QTMAN: variants seen among roughly 807,000 people sequenced by gnomAD.
The protein encoded by QTMAN is queuosine-tRNA mannosyltransferase, also known as tRNA-queuosine alpha-mannosyltransferase.
the QTMAN span, chr2:144,006,283 G>A: frequency 6.6e-6 from 1 of 152,074 alleles, no homozygotes; most frequent in Non-Finnish European, 1.5e-5. Flanking sequence ...AACTGGGAGA[G>A]CTTCTAGAGT....
At chr2:143,951,614 G>C in the QTMAN span, among the ~76,000 whole-genome samples, 12 of 151,566 alleles carry the variant, frequency 7.9e-5, no homozygotes, top group South Asian at 2.3e-3. Flanking sequence ...CATTATGATG[G>C]GAAGAAAGGC....
chr2:144,104,441 C>T, the QTMAN span, among the ~76,000 whole-genome samples: 9 of 152,194 alleles, frequency 5.9e-5, no homozygotes, highest in South Asian at 4.1e-4. Context: ...TCTTAGCAAA[C>T]GGCACACCAG....
the QTMAN span, among the ~76,000 whole-genome samples, chr2:144,022,873 C>G: frequency 6.6e-6 from 1 of 152,050 alleles, no homozygotes; most frequent in Admixed American, 6.6e-5. Flanking sequence ...TATCAATTCT[C>G]TCTTTATCAA....
At chr2:144,050,211 G>C in the QTMAN span, among the ~76,000 whole-genome samples, 2 of 151,930 alleles carry the variant, frequency 1.3e-5, no homozygotes, top group African/African-American at 4.8e-5. Flanking sequence ...ACTCTATGTA[G>C]ACAATAAGGT....
the QTMAN span, among the ~76,000 whole-genome samples, chr2:144,302,516 G>A: frequency 7.2e-5 from 11 of 152,004 alleles, no homozygotes; most frequent in East Asian, 1.3e-3. Context: ...CAGTGCACTC[G>A]TACCATAAAC....
the QTMAN span, among the ~76,000 whole-genome samples, chr2:144,292,889 C>T: frequency 2.0e-5 from 3 of 152,124 alleles, no homozygotes; most frequent in Non-Finnish European, 4.4e-5. Flanking sequence ...ATAATACTCA[C>T]AAATTATCAA....
the QTMAN span, among the ~76,000 whole-genome samples, chr2:144,095,982 A>G: frequency 6.6e-6 from 1 of 152,134 alleles, no homozygotes; most frequent in Non-Finnish European, 1.5e-5. Context: ...AATACATAAA[A>G]ATCTTATACA....
the QTMAN span, chr2:143,945,873 A>G: frequency 1.3e-5 from 2 of 152,260 alleles, no homozygotes; most frequent in Non-Finnish European, 2.9e-5. Context: ...AAATGTCATA[A>G]TATCTTACAA....
At chr2:144,239,313 T>C in the QTMAN span, among the ~76,000 whole-genome samples, 36 of 152,200 alleles carry the variant, frequency 2.4e-4, no homozygotes, top group Non-Finnish European at 4.7e-4. Flanking sequence ...AACAAGTGTA[T>C]AACCTCTTAA....
the QTMAN span, among the ~76,000 whole-genome samples, chr2:144,109,621 G>T: frequency 6.6e-6 from 1 of 151,952 alleles, no homozygotes; most frequent in Non-Finnish European, 1.5e-5. Context: ...CCTACAGAAT[G>T]GGAGAAAATT....
chr2:144,076,626 C>T, the QTMAN span, among the ~76,000 whole-genome samples: 6 of 152,014 alleles, frequency 3.9e-5, no homozygotes, highest in African/African-American at 9.7e-5. Context: ...GAAAACAACA[C>T]GGGACAATGC....
the QTMAN span, among the ~76,000 whole-genome samples, chr2:144,254,538 G>T: frequency 6.6e-6 from 1 of 152,190 alleles, no homozygotes; most frequent in Non-Finnish European, 1.5e-5. Context: ...TGCAGGGGTG[G>T]AGCACTCATG....
chr2:144,305,641 AAT>A, the QTMAN span, among the ~76,000 whole-genome samples: 1 of 152,220 alleles, frequency 6.6e-6, no homozygotes, highest in South Asian at 2.1e-4. Context: ...GAAGAAGAAA[AAT>A]GGCAGCTGAG....
At chr2:144,105,499 T>C in the QTMAN span, among the ~76,000 whole-genome samples, 1 of 152,096 alleles carries the variant, frequency 6.6e-6, no homozygotes, top group Non-Finnish European at 1.5e-5. Context: ...GAAGAAAGGG[T>C]ATCAGTGATT....
At chr2:143,950,712 G>A in the QTMAN span, among the ~76,000 whole-genome samples, 2 of 151,204 alleles carry the variant, frequency 1.3e-5, no homozygotes, top group Non-Finnish European at 3.0e-5. Flanking sequence ...CTATCACATG[G>A]GAAACTATTT....
chr2:144,110,725 C>T, the QTMAN span, among the ~76,000 whole-genome samples: 3 of 142,026 alleles, frequency 2.1e-5, no homozygotes, highest in South Asian at 2.4e-4. Context: ...ATAATGAAAT[C>T]TTACATTACG....
At chr2:144,281,941 G>A in the QTMAN span, among the ~76,000 whole-genome samples, 1 of 152,072 alleles carries the variant, frequency 6.6e-6, no homozygotes, top group Admixed American at 6.6e-5. Flanking sequence ...GTGGTATTTT[G>A]TTATGGCAGC....
the QTMAN span, among the ~76,000 whole-genome samples, chr2:144,090,408 A>G: frequency 2.6e-5 from 4 of 152,128 alleles, no homozygotes; most frequent in Non-Finnish European, 4.4e-5. Context: ...TGATATTGGA[A>G]AGGAAGAAGT....
At chr2:144,162,193 T>C in the QTMAN span, among the ~76,000 whole-genome samples, 1 of 152,184 alleles carries the variant, frequency 6.6e-6, no homozygotes, top group African/African-American at 2.4e-5. Context: ...GAAACCATGC[T>C]GACACTGTCC....
Sources: gnomAD v4.1 joint callset for allele counts (sites outside exome capture counted in the v4.1 genomes callset) on GRCh38, gnomAD v4.1.1 for gene constraint, MANE v1.5 for transcripts, NCBI Gene and HGNC (gene_info 2026-07-23, HGNC 2026-07-21) for gene names.